The following LINGO2 variants were observed in gnomAD, a reference collection of about 807,000 sequenced individuals.
LINGO2 encodes leucine-rich repeat and immunoglobulin-like domain-containing nogo receptor-interacting protein 2.
Under a neutral mutation model 30.6 loss-of-function variants are expected in LINGO2, and 14 were observed. That is an observed-to-expected ratio of 0.46 (90% CI 0.30 to 0.72). LINGO2 has a LOEUF of 0.72. LINGO2 is among the 30% of genes least tolerant of loss of function. The pLI, the probability that LINGO2 is intolerant of heterozygous loss-of-function variation, is 0.07. For synonymous variants in LINGO2, 317 were observed against 288.5 expected, an observed-to-expected ratio of 1.10 and a Z score of -1.00; for missense variants, 729 against 751.7, an observed-to-expected ratio of 0.97 and a Z score of 0.35.
intron 4 of LINGO2, among the ~76,000 whole-genome samples, chr9:28,248,540 C>G (rs759638194): frequency 6.6e-6 from 1 of 152,006 alleles, no homozygotes; most frequent in Non-Finnish European, 1.5e-5. Context: ...ATGAATAAGA[C>G]CTAGTATTTG....
chr9:28,982,259 G>A, the LINGO2 span, among the ~76,000 whole-genome samples: 1 of 151,942 alleles, frequency 6.6e-6, no homozygotes, highest in Non-Finnish European at 1.5e-5. Context: ...ACTAAGCTAA[G>A]GAAAAATAGG....
the LINGO2 span, among the ~76,000 whole-genome samples, chr9:29,146,249 G>A: frequency 5.9e-5 from 9 of 151,990 alleles, no homozygotes; most frequent in Non-Finnish European, 1.2e-4. Context: ...CCAGCTACTC[G>A]GGAGGCTGAG....
chr9:28,126,731 C>T (rs758766243), intron 4 of LINGO2, among the ~76,000 whole-genome samples: 2 of 152,178 alleles, frequency 1.3e-5, no homozygotes, highest in Non-Finnish European at 2.9e-5. Flanking sequence ...ATCAACTTTA[C>T]ATACATGACA....
At chr9:28,262,296 G>C (rs921937181) in intron 4 of LINGO2, among the ~76,000 whole-genome samples, 1 of 151,534 alleles carries the variant, frequency 6.6e-6, no homozygotes, top group Non-Finnish European at 1.5e-5. Context: ...TGCTTATGTA[G>C]TTCTATTGGT....
the LINGO2 span, among the ~76,000 whole-genome samples, chr9:29,062,293 A>C: frequency 6.6e-6 from 1 of 152,118 alleles, no homozygotes; most frequent in Non-Finnish European, 1.5e-5. Context: ...CCTCAAAAAA[A>C]TTAAAAATAG....
At chr9:27,943,052 C>T in the LINGO2 span, 3 of 152,110 alleles carry the variant, frequency 2.0e-5, no homozygotes, top group African/African-American at 7.2e-5. Flanking sequence ...TGCTGCTGGA[C>T]ATACATTGTA....
At chr9:28,300,536 T>C (rs1342304725) in intron 3 of LINGO2, among the ~76,000 whole-genome samples, 3 of 152,150 alleles carry the variant, frequency 2.0e-5, no homozygotes, top group Non-Finnish European at 4.4e-5. Flanking sequence ...AGGCATCCAT[T>C]TGTCACATTC....
At chr9:28,005,594 T>A (rs554237131) in intron 5 of LINGO2, among the ~76,000 whole-genome samples, 1 of 152,328 alleles carries the variant, frequency 6.6e-6, no homozygotes, top group South Asian at 2.1e-4. Flanking sequence ...TTTTTAAGTT[T>A]AAAGAATATG....
rs116332145 is a variant in LINGO2 at position 28,488,244 on chromosome 9, G to C, written c.-364-12219C>G. Among the ~76,000 whole-genome samples the C allele has an allele frequency of 6.1e-3, 927 of 152,238 alleles. 13 individuals are homozygous for C. The highest frequency in any genetic ancestry group is 0.021 in the African/African-American group (883 of 41,564). ...TTTTTAATGTTTGGCAAATATTTGA[G>C]AGTGCCTGCAGAACTCTAAAAAGAC... On this transcript the variant is annotated intron_variant, in intron 1 of 5. Coordinates refer to ENST00000379992, the Ensembl canonical transcript of LINGO2.
At chr9:28,180,577 C>T (rs1310757556) in intron 4 of LINGO2, among the ~76,000 whole-genome samples, 1 of 152,134 alleles carries the variant, frequency 6.6e-6, no homozygotes, top group Non-Finnish European at 1.5e-5. Flanking sequence ...TATCCAGTTT[C>T]ATCTTCACTT....
At position 28,054,366 on chromosome 9, in the gene LINGO2, A is replaced by G. The variant is rs192791026; in HGVS notation, c.-86-41961T>C. On this transcript the variant is annotated intron_variant, in intron 4 of 5. Transcript: ENST00000379992. ...TTTTTAACACTTTTACTTAGATGCT[A>G]CAAGATGCCGAAAGATCAGTAGTAG... 2.7e-4 allele frequency among the ~76,000 whole-genome samples: 41 copies of G among 152,214 alleles called. No homozygotes were observed. In the East Asian group the frequency reaches 6.8e-3, roughly 25 times the overall value.
chr9:28,611,572 C>T (rs927058008), intron 1 of LINGO2, among the ~76,000 whole-genome samples: 1 of 152,076 alleles, frequency 6.6e-6, no homozygotes, highest in Non-Finnish European at 1.5e-5. Flanking sequence ...ATGGCAAATA[C>T]CATTCTACTT....
chr9:28,895,241 C>A, the LINGO2 span, among the ~76,000 whole-genome samples: 1 of 152,026 alleles, frequency 6.6e-6, no homozygotes, highest in African/African-American at 2.4e-5. Context: ...TTATTGCACA[C>A]TATAAAAGTC....
At chr9:28,428,246 G>A (rs537773954) in intron 2 of LINGO2, among the ~76,000 whole-genome samples, 1 of 152,258 alleles carries the variant, frequency 6.6e-6, no homozygotes, top group East Asian at 1.9e-4. Context: ...TATTTCATCT[G>A]AGGATCAGGA....
intron 1 of LINGO2, among the ~76,000 whole-genome samples, chr9:28,554,626 A>G (rs1419809891): frequency 1.9e-5 from 2 of 108,076 alleles, no homozygotes; most frequent in Non-Finnish European, 3.8e-5. Context: ...CAGGAATTGA[A>G]CTCAGCTCTG....
chr9:28,814,842 A>T, the LINGO2 span, among the ~76,000 whole-genome samples: 1 of 152,246 alleles, frequency 6.6e-6, no homozygotes, highest in Non-Finnish European at 1.5e-5. Flanking sequence ...TCAAGAGCAA[A>T]TTAGTGGTTG....
the LINGO2 span, among the ~76,000 whole-genome samples, chr9:28,915,356 A>C: frequency 3.3e-5 from 5 of 152,252 alleles, no homozygotes; most frequent in South Asian, 8.3e-4. Flanking sequence ...GCTTGTTAAA[A>C]CACAGATTAC....
the LINGO2 span, among the ~76,000 whole-genome samples, chr9:28,725,749 C>A: frequency 2.0e-5 from 3 of 151,420 alleles, no homozygotes; most frequent in Non-Finnish European, 4.4e-5. Flanking sequence ...TAGTTTCAAA[C>A]AAATAACAAA....
chr9:28,325,817 TA>T (rs1825207326), intron 3 of LINGO2, among the ~76,000 whole-genome samples: 1 of 152,088 alleles, frequency 6.6e-6, no homozygotes, highest in Non-Finnish European at 1.5e-5. Context: ...TCACATTGAT[TA>T]AACTCTGGCC....
Sources: gnomAD v4.1 joint callset for allele counts (sites outside exome capture counted in the v4.1 genomes callset) on GRCh38, gnomAD v4.1.1 for gene constraint, MANE v1.5 for transcripts, NCBI Gene and HGNC (gene_info 2026-07-23, HGNC 2026-07-21) for gene names.